The following CIITA variants were observed in gnomAD, a reference collection of about 807,000 sequenced individuals.
The protein encoded by CIITA is class II major histocompatibility complex transactivator.
CIITA carries 72 observed loss-of-function variants against 115.1 expected under a neutral mutation model. The ratio of observed to expected loss-of-function variants is 0.63; its 90% CI spans 0.52 to 0.76. The LOEUF (loss-of-function observed/expected upper bound fraction) is 0.76. Ranked by LOEUF, CIITA falls within the 30% of genes least tolerant of loss-of-function variation. The pLI, the probability that CIITA is intolerant of heterozygous loss-of-function variation, is 0.00. For synonymous variants in CIITA, 763 were observed against 635.6 expected (o/e 1.20, Z -3.02); for missense variants, 1,617 against 1,463.8 (o/e 1.10, Z -1.71).
intron 1 of CIITA, among the ~76,000 whole-genome samples, chr16:10,883,993 T>C (rs1213888259): frequency 6.6e-6 from 1 of 152,188 alleles, no homozygotes; most frequent in African/African-American, 2.4e-5. Context: ...GAACCTACAT[T>C]GATGCATCAT....
chr16:10,878,752 A>G (rs2036094410), intron 1 of CIITA, among the ~76,000 whole-genome samples: 1 of 152,192 alleles, frequency 6.6e-6, no homozygotes, highest in South Asian at 2.1e-4. Flanking sequence ...CTCTCCCCGA[A>G]GTGGGGCTGG....
chr16:10,910,366 C>A, intron 13 of CIITA, 107 bp downstream of exon 13: 1 of 966,100 alleles, frequency 1.0e-6, no homozygotes, highest in Non-Finnish European at 1.6e-6. Context: ...ATCATTCTTA[C>A]CCTCTTGCCC....
intron 16 of CIITA, among the ~76,000 whole-genome samples, chr16:10,918,931 A>C (rs544941349): frequency 2.0e-5 from 3 of 152,182 alleles, no homozygotes; most frequent in East Asian, 3.9e-4. Context: ...TTTCACTGCC[A>C]CCTTCTGGTA....
rs913439518 is a variant in CIITA, at chr16:10,942,734, G to T, written n.1860G>T. On this transcript the variant is annotated non_coding_transcript_exon_variant, in exon 2 of 2. Transcript: ENST00000573379. The surrounding 1 kb of genome is among the most constrained non-coding windows in gnomAD (Gnocchi z 5.0). Reference sequence around the variant, plus strand: ...CAAACCTAGACATAATGCTAAGGCCGCAAAAGCCGAAGGAAACCCGGGCTA... The same window carrying T: ...CAAACCTAGACATAATGCTAAGGCCTCAAAAGCCGAAGGAAACCCGGGCTA... 1 of 152,282 alleles carries T rather than the reference G, an allele frequency of 6.6e-6. No individual in the cohort carries two copies. The highest frequency in any genetic ancestry group is 1.5e-5 in the Non-Finnish European group (1 of 68,070). The allele number at this position is 152,282 out of a possible 1,614,324, so 9.4% of individuals were successfully genotyped here.
intron 16 of CIITA, among the ~76,000 whole-genome samples, chr16:10,919,301 A>C (rs2040142173): frequency 6.6e-6 from 1 of 151,672 alleles, no homozygotes; most frequent in Admixed American, 6.6e-5. Flanking sequence ...GGTTCAAGCT[A>C]TTCGCCTGCC....
Position 10,877,381 on chromosome 16 carries a change from A to C in CIITA, c.51A>C (p.Gln17His). 6.2e-7 allele frequency: 1 copy of C among 1,612,964 alleles called. No individual in the cohort carries two copies. The change falls in exon 1 of 20, where the codon CAA becomes CAC. Residue 17 changes from glutamine (Q) to histidine (H), a missense_variant and splice_region_variant. Transcript: ENST00000324288. ...CTGGGTCCTACCTGTCAGAGCCCCAAGGTAAAAAGGCCGGGAAAGCATCTT... is the reference window on the plus strand; with the variant it reads ...CTGGGTCCTACCTGTCAGAGCCCCACGGTAAAAAGGCCGGGAAAGCATCTT... ...RPAGSYLSEP[Q>H]GSSQCATMEL...
At position 10,907,655 on chromosome 16, in the gene CIITA, G is replaced by C. The variant is rs139227684; in HGVS notation, c.2163G>C (p.Trp721Cys). ...TGCAATGCTTCCTGGGGGCCCTGTG[G>C]CTGGCTCTGAGTGGCGAAATCAAGG... ...FLLQCFLGALWLALSGEIKDK... is the reference protein window; with the variant it reads ...FLLQCFLGALCLALSGEIKDK... The change falls in exon 11 of 20, where the codon TGG becomes TGC. Residue 721 changes from tryptophan (W) to cysteine (C), a missense_variant. Physicochemically the swap from Trp to Cys is radical, Grantham distance 215. Transcript: ENST00000324288. This position sits in a 1 kb window ranked among gnomAD's most constrained non-coding sequence, Gnocchi z 5.0. 6.2e-7 allele frequency: 1 copy of C among 1,614,116 alleles called. No individual in the cohort carries two copies. The highest frequency in any genetic ancestry group is 8.5e-7 in the Non-Finnish European group (1 of 1,180,046).
At chr16:10,941,076 A>G (rs6498135), downstream of CIITA, 89,542 of 152,162 alleles carry the variant, frequency 0.59, 26,571 homozygotes, top group East Asian at 0.7. The surrounding 1 kb of genome is among the most constrained non-coding windows in gnomAD (Gnocchi z 6.4). Context: ...GCTTTGGCCT[A>G]GAGCCCCTGC....
At chr16:10,872,267 C>T (rs1252814500), upstream of CIITA, among the ~76,000 whole-genome samples, 2 of 152,012 alleles carry the variant, frequency 1.3e-5, no homozygotes, top group Admixed American at 6.6e-5. Flanking sequence ...GGATTACAGG[C>T]GCCTGCCACC....
chr16:10,914,496 A>G (rs149805066), intron 13 of CIITA, among the ~76,000 whole-genome samples: 1 of 152,352 alleles, frequency 6.6e-6, no homozygotes, highest in African/African-American at 2.4e-5. Context: ...TGCTGGCACC[A>G]TAATTTTACC....
downstream of CIITA, chr16:10,941,374 C>G: frequency 3.4e-6 from 1 of 292,792 alleles, no homozygotes; most frequent in Non-Finnish European, 5.7e-6. The surrounding 1 kb of genome is among the most constrained non-coding windows in gnomAD (Gnocchi z 6.4). Context: ...CCAGCTGTCC[C>G]CTTTGCTGGA....
At chr16:10,871,269 G>A (rs12922863) in intron 1 of CIITA, among the ~76,000 whole-genome samples, 33,650 of 152,148 alleles carry the variant, frequency 0.22, 4,384 homozygotes, top group East Asian at 0.57. Flanking sequence ...TGAGGCTGGC[G>A]TCTGAGGCAA....
At chr16:10,938,716 G>A (rs368187739), downstream of CIITA, 1 of 152,222 alleles carries the variant, frequency 6.6e-6, no homozygotes, top group Non-Finnish European at 1.5e-5. This position sits in a 1 kb window ranked among gnomAD's most constrained non-coding sequence, Gnocchi z 4.9. Flanking sequence ...GGGGAGGAGG[G>A]AAGGCTGTGC....
At position 10,879,491 on chromosome 16, in the gene CIITA, T is replaced by C. The variant is rs1057355571; in HGVS notation, c.52+2109T>C. On this transcript the variant is annotated intron_variant, in intron 1 of 19. Coordinates refer to ENST00000324288, the MANE Select transcript of CIITA (RefSeq NM_000246.4). The surrounding 1 kb of genome is among the most constrained non-coding windows in gnomAD (Gnocchi z 4.3). ...TCCCTGTTGGGTCATATTCCATCTC[T>C]AACTCTGGAATCTTGGGTATTGGGC... 1.3e-5 allele frequency among the ~76,000 whole-genome samples: 2 copies of C among 152,224 alleles called. No homozygotes were observed. The highest frequency in any genetic ancestry group is 1.3e-4 in the Admixed American group (2 of 15,290).
downstream of CIITA, chr16:10,939,123 C>A (rs1238225115): frequency 6.6e-6 from 1 of 152,118 alleles, no homozygotes; most frequent in Non-Finnish European, 1.5e-5. This position sits in a 1 kb window ranked among gnomAD's most constrained non-coding sequence, Gnocchi z 4.9. Flanking sequence ...CACAGGAGTG[C>A]GATACAATCA....
intron 9 of CIITA, 106 bp from the exon 10 acceptor site, chr16:10,904,637 TG>T: frequency 8.8e-7 from 1 of 1,138,986 alleles, no homozygotes; most frequent in Non-Finnish European, 1.3e-6. Context: ...ACCTCCATCT[TG>T]GGAAACTCAG....
chr16:10,894,681 A>G (rs1221765838), intron 1 of CIITA, among the ~76,000 whole-genome samples: 6 of 152,218 alleles, frequency 3.9e-5, no homozygotes, highest in Non-Finnish European at 8.8e-5. Context: ...CCTTCAGTTT[A>G]CATATTAGGA....
chr16:10,899,128 A>G, intron 5 of CIITA, 126 bp downstream of exon 5: 1 of 855,932 alleles, frequency 1.2e-6, no homozygotes, highest in East Asian at 2.6e-5. Flanking sequence ...AGGCCCTTTA[A>G]AAGCCAACAG....
chr16:10,918,311 T>C, intron 15 of CIITA, 129 bp from the exon 16 acceptor site: 1 of 869,878 alleles, frequency 1.1e-6, no homozygotes, highest in Non-Finnish European at 2.0e-6. Flanking sequence ...AGTATCCTCC[T>C]ATTTACCGAG....
Sources: allele counts gnomAD v4.1 joint callset (sites outside exome capture counted in the v4.1 genomes callset), GRCh38; gene constraint gnomAD v4.1.1; non-coding constraint Gnocchi (gnomAD v3.1); transcripts MANE v1.5; gene names NCBI Gene and HGNC (gene_info 2026-07-23, HGNC 2026-07-21).